CSMD1: variants seen among roughly 807,000 people sequenced by gnomAD.
The protein encoded by CSMD1 is CUB and Sushi multiple domains 1.
A neutral mutation model predicts 417.5 loss-of-function variants in CSMD1; 213 were observed. That is an observed-to-expected ratio of 0.51 (90% CI 0.46 to 0.57). The LOEUF (loss-of-function observed/expected upper bound fraction) is 0.57. Among genes scored for constraint, CSMD1 ranks in the 20% least tolerant of loss-of-function variants. CSMD1 has a pLI of 0.00. For synonymous variants in CSMD1, 2,862 were observed against 1,736.8 expected, an observed-to-expected ratio of 1.65 and a Z score of -16.11; for missense variants, 6,923 against 4,529.7, an observed-to-expected ratio of 1.53 and a Z score of -15.17.
intron 5 of CSMD1, among the ~76,000 whole-genome samples, chr8:3,823,731 T>C (rs1390596347): frequency 6.6e-6 from 1 of 152,274 alleles, no homozygotes; most frequent in African/African-American, 2.4e-5. Context: ...ATAACCTTTT[T>C]AACACAAAGT....
intron 1 of CSMD1, among the ~76,000 whole-genome samples, chr8:4,795,522 A>C (rs1797931343): frequency 1.3e-5 from 2 of 151,600 alleles, no homozygotes; most frequent in Admixed American, 6.6e-5. Flanking sequence ...TCGGCCTTCC[A>C]AAGTTCTGGT....
At chr8:3,958,826 C>T (rs772055742) in intron 5 of CSMD1, among the ~76,000 whole-genome samples, 6 of 152,146 alleles carry the variant, frequency 3.9e-5, no homozygotes, top group Admixed American at 2.6e-4. Context: ...GGAGGATCTG[C>T]AGAGGAAATT....
At chr8:4,307,886 G>C (rs1350791972) in intron 3 of CSMD1, among the ~76,000 whole-genome samples, 1 of 152,188 alleles carries the variant, frequency 6.6e-6, no homozygotes, top group East Asian at 1.9e-4. Context: ...GTTCAGTAGA[G>C]AGGAGGCAGC....
At chr8:3,267,078 C>T (rs2117125159) in intron 26 of CSMD1, among the ~76,000 whole-genome samples, 1 of 151,734 alleles carries the variant, frequency 6.6e-6, no homozygotes, top group South Asian at 2.1e-4. Context: ...AGCAAGAAGC[C>T]AGAGAGAGGG....
At chr8:4,065,156 A>G (rs540929160) in intron 3 of CSMD1, among the ~76,000 whole-genome samples, 18 of 152,348 alleles carry the variant, frequency 1.2e-4, no homozygotes, top group African/African-American at 4.3e-4. Flanking sequence ...CATTTTACTG[A>G]CACTATTTAC....
At chr8:4,958,711 G>T (rs1809283324) in intron 1 of CSMD1, among the ~76,000 whole-genome samples, 1 of 152,104 alleles carries the variant, frequency 6.6e-6, no homozygotes, top group South Asian at 2.1e-4. Flanking sequence ...TAGATTTAGT[G>T]ACTCAATAAA....
intron 5 of CSMD1, among the ~76,000 whole-genome samples, chr8:3,957,705 A>T (rs555132889): frequency 2.6e-3 from 302 of 116,844 alleles, no homozygotes; most frequent in African/African-American, 8.1e-3. Flanking sequence ...AGAAGAGAAG[A>T]GGAAAAGAGA....
intron 2 of CSMD1, among the ~76,000 whole-genome samples, chr8:4,595,141 C>T (rs1489158752): frequency 1.3e-5 from 2 of 152,000 alleles, no homozygotes; most frequent in Non-Finnish European, 2.9e-5. Flanking sequence ...TGAGCATCCT[C>T]ATTTAGTTTT....
rs374000276 is a variant in CSMD1, at chr8:4,669,824, A to C, written c.86-32266T>G. Reference sequence around the variant, plus strand: ...TTTAAGTAGCAATATTTGGAAAGACATCCAAGAAGAATGGTTTCTTAGCCA... The same window carrying C: ...TTTAAGTAGCAATATTTGGAAAGACCTCCAAGAAGAATGGTTTCTTAGCCA... On this transcript the variant is annotated intron_variant, in intron 1 of 69. Transcript: ENST00000635120. Among the ~76,000 whole-genome samples, 87 of 152,338 alleles carry C rather than the reference A, an allele frequency of 5.7e-4. 3 individuals carry two copies. The highest frequency in any genetic ancestry group is 2.0e-3 in the African/African-American group (85 of 41,572).
At chr8:3,269,944 C>T (rs1423864424) in intron 26 of CSMD1, among the ~76,000 whole-genome samples, 1 of 151,444 alleles carries the variant, frequency 6.6e-6, no homozygotes, top group Non-Finnish European at 1.5e-5. Flanking sequence ...GGTAAACGCA[C>T]ATAAAGCAAA....
chr8:3,697,194 G>C (rs1800600940), intron 7 of CSMD1, among the ~76,000 whole-genome samples: 2 of 152,164 alleles, frequency 1.3e-5, no homozygotes, highest in Non-Finnish European at 1.5e-5. Flanking sequence ...AAATTATCAA[G>C]TCTGGGCAAA....
chr8:3,238,206 C>T (rs1452770082), intron 26 of CSMD1, among the ~76,000 whole-genome samples: 1 of 151,896 alleles, frequency 6.6e-6, no homozygotes, highest in African/African-American at 2.4e-5. Context: ...TCACAAGGTG[C>T]TCAGCAGGGG....
At chr8:4,503,007 A>T (rs1181777462) in intron 2 of CSMD1, among the ~76,000 whole-genome samples, 1 of 152,228 alleles carries the variant, frequency 6.6e-6, no homozygotes, top group Admixed American at 6.5e-5. Context: ...CAGGAAATAA[A>T]AAAAGCTATC....
intron 10 of CSMD1, among the ~76,000 whole-genome samples, chr8:3,506,605 C>G (rs1796838605): frequency 6.6e-6 from 1 of 152,066 alleles, no homozygotes; most frequent in Non-Finnish European, 1.5e-5. Flanking sequence ...TCTATGTCTC[C>G]CAAAAAAGCA....
intron 12 of CSMD1, among the ~76,000 whole-genome samples, chr8:3,419,535 AG>A (rs1813358050): frequency 6.6e-6 from 1 of 152,204 alleles, no homozygotes; most frequent in Non-Finnish European, 1.5e-5. Context: ...TGTCAGGAGG[AG>A]GATATTCAAG....
intron 10 of CSMD1, among the ~76,000 whole-genome samples, chr8:3,523,947 G>A (rs1274671502): frequency 7.3e-6 from 1 of 137,312 alleles, no homozygotes; most frequent in East Asian, 2.3e-4. Flanking sequence ...TCAGACACGT[G>A]CATACACATG....
At chr8:3,800,411 C>A (rs2720872) in intron 5 of CSMD1, among the ~76,000 whole-genome samples, 11,512 of 152,106 alleles carry the variant, frequency 0.076, 693 homozygotes, top group East Asian at 0.28. Context: ...TTATTGACAC[C>A]TGTGAAGTGC....
At chr8:3,870,394 C>A (rs566821041) in intron 5 of CSMD1, among the ~76,000 whole-genome samples, 5 of 152,180 alleles carry the variant, frequency 3.3e-5, no homozygotes, top group Admixed American at 6.5e-5. Flanking sequence ...TTTCCCCCAG[C>A]TATGCACATA....
intron 2 of CSMD1, among the ~76,000 whole-genome samples, chr8:4,485,172 T>C (rs1281714759): frequency 6.6e-6 from 1 of 152,104 alleles, no homozygotes; most frequent in Admixed American, 6.5e-5. Flanking sequence ...GTCTACTGAT[T>C]TGTATAAAGA....
Sources: allele counts gnomAD v4.1 joint callset (sites outside exome capture counted in the v4.1 genomes callset), GRCh38; gene constraint gnomAD v4.1.1; transcripts MANE v1.5; gene names NCBI Gene and HGNC (gene_info 2026-07-23, HGNC 2026-07-21).